The following ST8SIA1 variants were observed in gnomAD, a reference collection of about 807,000 sequenced individuals.
ST8SIA1 encodes the protein alpha-N-acetylneuraminide alpha-2,8-sialyltransferase.
In ST8SIA1, 16 loss-of-function variants were observed where a neutral mutation model predicts 35.9. The ratio of observed to expected loss-of-function variants is 0.45; its 90% CI spans 0.30 to 0.68. The LOEUF (loss-of-function observed/expected upper bound fraction) is 0.68, where lower values mean the gene tolerates loss of function less well. Ranked by LOEUF, ST8SIA1 falls within the 30% of genes least tolerant of loss-of-function variation. The pLI, the probability that ST8SIA1 is intolerant of heterozygous loss-of-function variation, is 0.09. For synonymous variants in ST8SIA1, 170 were observed against 169.6 expected (o/e 1.00, Z -0.02); for missense variants, 383 against 453.6 (o/e 0.84, Z 1.41).
At position 22,229,018 on chromosome 12, in the gene ST8SIA1, C is replaced by T. The variant is rs527246126; in HGVS notation, c.584+19988G>A. Among the ~76,000 whole-genome samples, 66 of 144,614 alleles carry T rather than the reference C, an allele frequency of 4.6e-4. 2 individuals are homozygous for T. Among genetic ancestry groups the T allele is most frequent in the African/African-American group, 1.6e-3 (62 of 38,672 alleles). 94.9% of individuals were successfully genotyped at this position (144,614 alleles called of 152,430 possible). A position where few individuals can be genotyped will look rare whatever the true frequency, so the allele number is the denominator to read the frequency against. On this transcript the variant is annotated intron_variant, in intron 4 of 4. Coordinates refer to ENST00000396037, the MANE Select transcript of ST8SIA1 (RefSeq NM_003034.4). Reference sequence around the variant, plus strand: ...GCAGTAAGCTGAGATCGCACCACTGCACTCCAGCCTGGGTGACAGAGCAAG... The same window carrying T: ...GCAGTAAGCTGAGATCGCACCACTGTACTCCAGCCTGGGTGACAGAGCAAG...
intron 1 of ST8SIA1, among the ~76,000 whole-genome samples, chr12:22,328,167 A>C (rs1263696045): frequency 6.6e-6 from 1 of 152,242 alleles, no homozygotes; most frequent in Non-Finnish European, 1.5e-5. Context: ...TCTGCTCTAG[A>C]GTAAGAGCTC....
intron 2 of ST8SIA1, among the ~76,000 whole-genome samples, chr12:22,266,493 TAA>T (rs34617658): frequency 2.2e-5 from 3 of 134,888 alleles, no homozygotes; most frequent in Non-Finnish European, 3.2e-5. Context: ...AACCCCTATT[TAA>T]AAAAAAAATA....
intron 1 of ST8SIA1, among the ~76,000 whole-genome samples, chr12:22,292,219 A>C (rs994843095): frequency 1.2e-4 from 19 of 152,202 alleles, no homozygotes; most frequent in African/African-American, 4.6e-4. Context: ...ATGAGGAATA[A>C]ATACTCCAAA....
chr12:22,334,505 G>A lies in ST8SIA1; in HGVS notation c.-273C>T. 2 of 515,924 alleles carry A rather than the reference G, an allele frequency of 3.9e-6. No individual in the cohort carries two copies. The highest frequency in any genetic ancestry group is 4.9e-5 in the South Asian group (2 of 40,806). The allele number at this position is 515,924 out of a possible 1,614,324, so 32.0% of individuals were successfully genotyped here. A position where few individuals can be genotyped will look rare whatever the true frequency, so the allele number is the denominator to read the frequency against. ...ATGGTCGCTTCCCCTGCAGAAGGCG[G>A]GCGCTGGGGTCTCCGAGTGCGCAGA... On this transcript the variant is annotated 5_prime_UTR_variant, in exon 1 of 5. Coordinates refer to ENST00000396037, the MANE Select transcript of ST8SIA1 (RefSeq NM_003034.4).
intron 4 of ST8SIA1, among the ~76,000 whole-genome samples, chr12:22,211,202 T>G (rs759313029): frequency 2.0e-5 from 3 of 152,240 alleles, no homozygotes; most frequent in Non-Finnish European, 4.4e-5. Flanking sequence ...CTCCAGGAAC[T>G]TTCCCATGTT....
At chr12:22,268,848 A>T (rs1865878825) in intron 2 of ST8SIA1, among the ~76,000 whole-genome samples, 1 of 152,190 alleles carries the variant, frequency 6.6e-6, no homozygotes, top group Non-Finnish European at 1.5e-5. Flanking sequence ...AAGCAGCAGG[A>T]TAAGAAGCTG....
intron 4 of ST8SIA1, among the ~76,000 whole-genome samples, chr12:22,229,533 T>C (rs942008079): frequency 6.6e-6 from 1 of 150,922 alleles, no homozygotes; most frequent in African/African-American, 2.4e-5. Flanking sequence ...GGAGGATTGC[T>C]TGAGCCCAGG....
chr12:22,321,080 A>C (rs1482086595), intron 1 of ST8SIA1, among the ~76,000 whole-genome samples: 1 of 151,578 alleles, frequency 6.6e-6, no homozygotes, highest in East Asian at 1.9e-4. Context: ...AATCAACCAG[A>C]CACCAGACAC....
chr12:22,231,651 G>A (rs768025786), intron 4 of ST8SIA1, among the ~76,000 whole-genome samples: 60 of 151,766 alleles, frequency 4.0e-4, no homozygotes, highest in Non-Finnish European at 7.8e-4. Flanking sequence ...TTGGCTCACT[G>A]CAAGCTCCGC....
intron 3 of ST8SIA1, chr12:22,250,821 T>C (rs1311679540): frequency 1.3e-5 from 2 of 152,372 alleles, no homozygotes; most frequent in South Asian, 2.1e-4. Context: ...GGTGATAAGA[T>C]ACTGGTTTTT....
Position 22,261,275 on chromosome 12 carries a change from G to C in ST8SIA1, c.382-5886C>G, listed in dbSNP as rs148484620. Among the ~76,000 whole-genome samples the C allele has an allele frequency of 4.6e-3, 698 of 152,252 alleles. 8 individuals carry two copies. Among genetic ancestry groups the C allele is most frequent in the African/African-American group, 0.016 (657 of 41,548 alleles). On this transcript the variant is annotated intron_variant, in intron 2 of 4. Coordinates refer to ENST00000396037, the MANE Select transcript of ST8SIA1 (RefSeq NM_003034.4). ...TTCTCCTGCCTCAGCCTCCCGTGTA[G>C]CTGGGATTACAGGTGCCCGCCACCA...
intron 1 of ST8SIA1, among the ~76,000 whole-genome samples, chr12:22,311,242 G>T (rs1282361908): frequency 6.6e-6 from 1 of 152,164 alleles, no homozygotes; most frequent in Admixed American, 6.6e-5. Flanking sequence ...CTTGTGGCAA[G>T]AGACAGCAGC....
In ST8SIA1 at chr12:22,328,655, T is replaced by C. The variant is rs1479878506; in HGVS notation, c.236+5342A>G. Among the ~76,000 whole-genome samples the C allele has an allele frequency of 3.3e-5, 5 of 152,274 alleles. No homozygotes were observed. The East Asian group carries it at 9.6e-4, about 29-fold the overall frequency. On this transcript the variant is annotated intron_variant, in intron 1 of 4. Coordinates refer to ENST00000396037, the MANE Select transcript of ST8SIA1 (RefSeq NM_003034.4). ...TGAATAACTGAAAGGATTACAATCA[T>C]ACATGCATGGTATAAAGAAAACAGA...
At chr12:22,254,166 C>T (rs945738689) in intron 3 of ST8SIA1, among the ~76,000 whole-genome samples, 1 of 152,172 alleles carries the variant, frequency 6.6e-6, no homozygotes, top group Non-Finnish European at 1.5e-5. Flanking sequence ...GCTTCAGGGT[C>T]CACCTGAAAG....
intron 1 of ST8SIA1, among the ~76,000 whole-genome samples, chr12:22,309,134 C>T (rs1866418764): frequency 6.6e-6 from 1 of 152,158 alleles, no homozygotes; most frequent in Non-Finnish European, 1.5e-5. Context: ...GGACACTCTC[C>T]TGGCGAAGGG....
chr12:22,249,741 A>C (rs993598379), intron 3 of ST8SIA1, among the ~76,000 whole-genome samples: 1 of 152,198 alleles, frequency 6.6e-6, no homozygotes, highest in African/African-American at 2.4e-5. Flanking sequence ...TATTTTTGAG[A>C]GGGTAGGACA....
At chr12:22,317,469 G>T (rs1866535170) in intron 1 of ST8SIA1, among the ~76,000 whole-genome samples, 1 of 152,218 alleles carries the variant, frequency 6.6e-6, no homozygotes, top group Admixed American at 6.5e-5. Context: ...GTCTGCTGGG[G>T]CTGCGGTCAT....
chr12:22,271,036 G>A (rs1196298351), intron 2 of ST8SIA1, among the ~76,000 whole-genome samples: 1 of 152,124 alleles, frequency 6.6e-6, no homozygotes, highest in African/African-American at 2.4e-5. Context: ...CATGAGGTAG[G>A]TAGTTTACGT....
chr12:22,314,138 C>A (rs764596046), intron 1 of ST8SIA1, among the ~76,000 whole-genome samples: 15 of 152,182 alleles, frequency 9.9e-5, no homozygotes, highest in African/African-American at 3.6e-4. Context: ...CATGTACAAA[C>A]AGCTGCTGCA....
Sources: allele counts gnomAD v4.1 joint callset (sites outside exome capture counted in the v4.1 genomes callset), GRCh38; gene constraint gnomAD v4.1.1; transcripts MANE v1.5; gene names NCBI Gene and HGNC (gene_info 2026-07-23, HGNC 2026-07-21).